The following PLPP6 variants were observed in gnomAD, a reference collection of about 807,000 sequenced individuals.
The protein encoded by PLPP6 is phospholipid phosphatase 6.
Under a neutral mutation model 16.5 loss-of-function variants are expected in PLPP6, and 16 were observed. The observed-to-expected ratio is 0.97, with a 90% CI of 0.66 to 1.47. PLPP6 has a LOEUF of 1.47. Among genes scored for constraint, PLPP6 ranks in the 40% most tolerant of loss-of-function variants. The probability of loss-of-function intolerance (pLI) is 0.00; values close to 1 mark genes in which losing one functional copy is unlikely to be tolerated. For synonymous variants in PLPP6, 226 were observed against 188.1 expected, an observed-to-expected ratio of 1.20 and a Z score of -1.65; for missense variants, 512 against 396.6, an observed-to-expected ratio of 1.29 and a Z score of -2.47.
rs1380769695 is a variant in PLPP6 at position 4,664,013 on chromosome 9, A to G, written c.*750A>G. 1.8e-5 allele frequency: 3 copies of G among 167,118 alleles called. No homozygotes were observed. Among genetic ancestry groups the G allele is most frequent in the Non-Finnish European group, 4.4e-5 (3 of 68,130 alleles). The allele number at this position is 167,118 out of a possible 1,614,324, so 10.4% of individuals were successfully genotyped here. On this transcript the variant is annotated 3_prime_UTR_variant, in exon 1 of 1. Transcript: ENST00000381883. ...ATTCAGAGAAAAAGCCAACTTGCTT[A>G]AAGAGGAATCACTTAAAAGGTAGGC...
At position 4,665,135 on chromosome 9, in the gene PLPP6, A is replaced by G. The variant is rs558257348; in HGVS notation, c.*1872A>G. 4.8e-5 allele frequency: 8 copies of G among 167,234 alleles called. No homozygotes were observed. Among genetic ancestry groups the G allele is most frequent in the African/African-American group, 1.9e-4 (8 of 41,576 alleles). 10.4% of individuals were successfully genotyped at this position (167,234 alleles called of 1,614,324 possible). Reference sequence around the variant, plus strand: ...GAGTTTTCTGGCTCTTAAAGCATAGATCATTTCACCTGATGTTTTTGAAGC... The same window carrying G: ...GAGTTTTCTGGCTCTTAAAGCATAGGTCATTTCACCTGATGTTTTTGAAGC... On this transcript the variant is annotated 3_prime_UTR_variant, in exon 1 of 1. Transcript: ENST00000381883.
rs1840029331 is a variant in PLPP6, at chr9:4,662,393, G to A, written c.18G>A (p.Arg6=). The change falls in exon 1 of 1, where the codon AGG becomes AGA. Residue 6 remains arginine, a synonymous_variant. Transcript: ENST00000381883. The surrounding 1 kb of genome is among the most constrained non-coding windows in gnomAD (Gnocchi z 4.9). ...CAGCTGCGATGCCAAGTCCCCGGAG[G>A]AGCATGGAGGGACGGCCGCTGGGCG... is the stretch of plus-strand genomic sequence containing the variant. MPSPR[R]SMEGRPLGVS... 3 of 1,532,290 alleles carry A rather than the reference G, an allele frequency of 2.0e-6. No individual in the cohort carries two copies. The highest frequency in any genetic ancestry group is 1.4e-5 in the African/African-American group (1 of 72,730). 94.9% of individuals were successfully genotyped at this position (1,532,290 alleles called of 1,614,324 possible).
In PLPP6 at chr9:4,662,412, C is replaced by T. The variant is rs989171683; in HGVS notation, c.37C>T (p.Leu13=). The change falls in exon 1 of 1, where the codon CTG becomes TTG. Residue 13 remains leucine (L), a synonymous_variant. Transcript: ENST00000381883. The surrounding 1 kb of genome is among the most constrained non-coding windows in gnomAD (Gnocchi z 4.9). ...SPRRSMEGRP[L]GVSASSSSSS... is the part of the protein sequence containing the mutation. ...CCGGAGGAGCATGGAGGGACGGCCG[C>T]TGGGCGTCTCCGCTTCGAGCAGCAG... 9.8e-6 allele frequency: 15 copies of T among 1,537,026 alleles called. No homozygotes were observed. Among genetic ancestry groups the T allele is most frequent in the African/African-American group, 9.6e-5 (7 of 72,908 alleles).
chr9:4,664,033 G>A lies in PLPP6; in HGVS notation c.*770G>A, dbSNP rs983016169. ...TGCTTAAAGAGGAATCACTTAAAAG[G>A]TAGGCATATCTAAGATGCTCATAGA... On this transcript the variant is annotated 3_prime_UTR_variant, in exon 1 of 1. Coordinates refer to ENST00000381883, the MANE Select transcript of PLPP6 (RefSeq NM_203453.5). The A allele has an allele frequency of 6.0e-6, 1 of 167,070 alleles. No homozygotes were observed. Among genetic ancestry groups the A allele is most frequent in the Non-Finnish European group, 1.5e-5 (1 of 68,122 alleles). 10.3% of individuals were successfully genotyped at this position (167,070 alleles called of 1,614,324 possible). A position where few individuals can be genotyped will look rare whatever the true frequency, so the allele number is the denominator to read the frequency against.
Position 4,662,927 on chromosome 9 carries a change from A to T in PLPP6, c.552A>T (p.Lys184Asn). ...LLDLLLVALI[K>N]GLVRRRRPAH... ...ACCTGCTGCTGGTGGCCTTGATCAA[A>T]GGGCTGGTCCGCAGGCGCCGCCCGG... The change falls in exon 1 of 1, where the codon AAA becomes AAT. Residue 184 changes from lysine to asparagine, a missense_variant. By Grantham distance (94) the Lys-to-Asn change is moderately conservative. Coordinates refer to ENST00000381883, the MANE Select transcript of PLPP6 (RefSeq NM_203453.5). This position sits in a 1 kb window ranked among gnomAD's most constrained non-coding sequence, Gnocchi z 4.9. 1 of 1,609,994 alleles carries T rather than the reference A, an allele frequency of 6.2e-7. No homozygotes were observed. The highest frequency in any genetic ancestry group is 8.5e-7 in the Non-Finnish European group (1 of 1,179,868).
At position 4,662,408 on chromosome 9, in the gene PLPP6, G is replaced by T. The variant is rs774159286; in HGVS notation, c.33G>T (p.Arg11=). The T allele has an allele frequency of 1.3e-6, 2 of 1,535,736 alleles. No individual in the cohort carries two copies. Among genetic ancestry groups the T allele is most frequent in the Admixed American group, 3.9e-5 (2 of 50,986 alleles). The change falls in exon 1 of 1, where the codon CGG becomes CGT. Residue 11 remains arginine (R), a synonymous_variant. Transcript: ENST00000381883. The surrounding 1 kb of genome is among the most constrained non-coding windows in gnomAD (Gnocchi z 4.9). ...GTCCCCGGAGGAGCATGGAGGGACG[G>T]CCGCTGGGCGTCTCCGCTTCGAGCA... MPSPRRSMEG[R]PLGVSASSSS... is the part of the protein sequence containing the mutation.
Position 4,662,550 on chromosome 9 carries a change from C to A in PLPP6, c.175C>A (p.Arg59Ser). ...TAVDPTCARL[R>S]ASESPVHRRG... is the part of the protein sequence containing the mutation. The stretch of plus-strand genomic sequence containing the variant: ...CGTGGACCCCACCTGCGCCCGGCTC[C>A]GTGCATCGGAGAGCCCAGTTCACCG... Residue 59 changes from arginine (R) to serine (S), a missense_variant, in exon 1 of 1, where the codon CGT (arginine) becomes AGT (serine). By Grantham distance (110) the Arg-to-Ser change is moderately radical (BLOSUM62 -1). Coordinates refer to ENST00000381883, the MANE Select transcript of PLPP6 (RefSeq NM_203453.5). This position sits in a 1 kb window ranked among gnomAD's most constrained non-coding sequence, Gnocchi z 4.9. The A allele has an allele frequency of 1.3e-6, 2 of 1,574,140 alleles. No homozygotes were observed. The highest frequency in any genetic ancestry group is 1.7e-6 in the Non-Finnish European group (2 of 1,169,396).
Position 4,663,240 on chromosome 9 carries a change from T to C in PLPP6, c.865T>C (p.Phe289Leu), listed in dbSNP as rs772266617. 3 of 1,613,836 alleles carry C rather than the reference T, an allele frequency of 1.9e-6. No homozygotes were observed. The highest frequency in any genetic ancestry group is 2.2e-5 in the East Asian group (1 of 44,856). The change falls in exon 1 of 1, where the codon TTT becomes CTT. Residue 289 changes from phenylalanine to leucine, a missense_variant. Phe to Leu is a conservative substitution (Grantham distance 22, BLOSUM62 0). Transcript: ENST00000381883. ...WLSPHNAPVL[F>L]LLWSQR ...CTCACCCCATAATGCTCCGGTCCTC[T>C]TTTTACTGTGGAGTCAACGATGACA...
At position 4,664,467 on chromosome 9, in the gene PLPP6, C is replaced by T. The variant is rs1840552968; in HGVS notation, c.*1204C>T. 1 of 167,042 alleles carries T rather than the reference C, an allele frequency of 6.0e-6. No homozygotes were observed. The allele number at this position is 167,042 out of a possible 1,614,324, so 10.3% of individuals were successfully genotyped here. ...GGCACAAGATAAAACTCCAAAATTT[C>T]TGTTTACATTGACCTTTACATTTAA... On this transcript the variant is annotated 3_prime_UTR_variant, in exon 1 of 1. Coordinates refer to ENST00000381883, the MANE Select transcript of PLPP6 (RefSeq NM_203453.5).
Position 4,662,799 on chromosome 9 carries a change from C to A in PLPP6, c.424C>A (p.His142Asn), listed in dbSNP as rs1212580435. The change falls in exon 1 of 1, where the codon CAC (histidine) becomes AAC (asparagine). Residue 142 changes from histidine to asparagine, a missense_variant. Coordinates refer to ENST00000381883, the MANE Select transcript of PLPP6 (RefSeq NM_203453.5). This position sits in a 1 kb window ranked among gnomAD's most constrained non-coding sequence, Gnocchi z 4.9. ...PLMKLLEISG[H>N]GIPWLLGTLY... ...TATGAAGCTGCTGGAGATCTCGGGA[C>A]ACGGCATCCCCTGGCTGCTGGGCAC... 5 of 1,605,234 alleles carry A rather than the reference C, an allele frequency of 3.1e-6. No homozygotes were observed. Among genetic ancestry groups the A allele is most frequent in the Non-Finnish European group, 4.2e-6 (5 of 1,179,940 alleles).
At position 4,663,057 on chromosome 9, in the gene PLPP6, C is replaced by T; in HGVS notation, c.682C>T (p.His228Tyr). Reference sequence around the variant, plus strand: ...CCTGATGTCGAGGTTCATCCTGAACCACCTGGTGCTGGCCATTCCACTGAG... The same window carrying T: ...CCTGATGTCGAGGTTCATCCTGAACTACCTGGTGCTGGCCATTCCACTGAG... ...AALMSRFILNHLVLAIPLRVL... is the reference protein window; with the variant it reads ...AALMSRFILNYLVLAIPLRVL... The change falls in exon 1 of 1, where the codon CAC becomes TAC. Residue 228 changes from histidine to tyrosine, a missense_variant. Transcript: ENST00000381883. 6 of 1,613,970 alleles carry T rather than the reference C, an allele frequency of 3.7e-6. No individual in the cohort carries two copies. Among genetic ancestry groups the T allele is most frequent in the Non-Finnish European group, 5.1e-6 (6 of 1,179,964 alleles).
Position 4,663,337 on chromosome 9 carries a change from C to T in PLPP6, c.*74C>T. Reference sequence around the variant, plus strand: ...CGATGATGTCAACCTAAACCAGCAGCCATCCCGCTTGTCCCTCTTAGGCAT... The same window carrying T: ...CGATGATGTCAACCTAAACCAGCAGTCATCCCGCTTGTCCCTCTTAGGCAT... On this transcript the variant is annotated 3_prime_UTR_variant, in exon 1 of 1. Coordinates refer to ENST00000381883, the MANE Select transcript of PLPP6 (RefSeq NM_203453.5). 6.8e-7 allele frequency: 1 copy of T among 1,472,418 alleles called. No homozygotes were observed. The highest frequency in any genetic ancestry group is 9.3e-7 in the Non-Finnish European group (1 of 1,073,934). 91.2% of individuals were successfully genotyped at this position (1,472,418 alleles called of 1,614,324 possible).
Position 4,662,767 on chromosome 9 carries a change from G to A in PLPP6, c.392G>A (p.Arg131Gln), listed in dbSNP as rs777012816. ...AGESSSWGSV[R>Q]PLMKLLEISG... is the part of the protein sequence containing the mutation. ...GAGAGCTCGTCGTGGGGCAGCGTGC[G>A]ACCCCTTATGAAGCTGCTGGAGATC... Residue 131 changes from arginine (R) to glutamine (Q), a missense_variant, in exon 1 of 1, where the codon CGA (arginine) becomes CAA (glutamine). Coordinates refer to ENST00000381883, the MANE Select transcript of PLPP6 (RefSeq NM_203453.5). The surrounding 1 kb of genome is among the most constrained non-coding windows in gnomAD (Gnocchi z 4.9). 6.2e-7 allele frequency: 1 copy of A among 1,604,868 alleles called. No individual in the cohort carries two copies. Among genetic ancestry groups the A allele is most frequent in the Non-Finnish European group, 8.5e-7 (1 of 1,179,932 alleles).
In PLPP6 at chr9:4,663,030, GC is replaced by G; in HGVS notation, c.658del (p.Leu220Ter). 2.5e-6 allele frequency: 4 copies of G among 1,613,752 alleles called. No individual in the cohort carries two copies. Among genetic ancestry groups the G allele is most frequent in the Non-Finnish European group, 3.4e-6 (4 of 1,179,940 alleles). On this transcript the variant is annotated frameshift_variant, in exon 1 of 1. Coordinates refer to ENST00000381883, the MANE Select transcript of PLPP6 (RefSeq NM_203453.5). LOFTEE classifies it high-confidence loss of function. The part of the protein sequence containing the change: ...SFPSGHATRA[A>X]LMSRFILNHL... ...CCCCTCGGGCCATGCCACAAGGGCC[GC>G]CCTGATGTCGAGGTTCATCCTGAAC...
Position 4,662,748 on chromosome 9 carries a change from T to A in PLPP6, c.373T>A (p.Ser125Thr). The change falls in exon 1 of 1, where the codon TCG becomes ACG. Residue 125 changes from serine to threonine, a missense_variant. Coordinates refer to ENST00000381883, the MANE Select transcript of PLPP6 (RefSeq NM_203453.5). The surrounding 1 kb of genome is among the most constrained non-coding windows in gnomAD (Gnocchi z 4.9). ...GCTGGGGGTGTGCGCGGGAGAGAGC[T>A]CGTCGTGGGGCAGCGTGCGACCCCT... ...KKLGVCAGESSSWGSVRPLMK... is the reference protein window; with the variant it reads ...KKLGVCAGESTSWGSVRPLMK... The A allele has an allele frequency of 6.2e-7, 1 of 1,603,600 alleles. No homozygotes were observed. Among genetic ancestry groups the A allele is most frequent in the East Asian group, 2.2e-5 (1 of 44,846 alleles).
At position 4,662,670 on chromosome 9, in the gene PLPP6, C is replaced by A; in HGVS notation, c.295C>A (p.Leu99Met). The A allele has an allele frequency of 6.2e-7, 1 of 1,600,382 alleles. No homozygotes were observed. The highest frequency in any genetic ancestry group is 8.5e-7 in the Non-Finnish European group (1 of 1,179,862). Residue 99 changes from leucine to methionine, a missense_variant, in exon 1 of 1, where the codon CTG (leucine) becomes ATG (methionine). By Grantham distance (15) the Leu-to-Met change is conservative. Coordinates refer to ENST00000381883, the MANE Select transcript of PLPP6 (RefSeq NM_203453.5). This position sits in a 1 kb window ranked among gnomAD's most constrained non-coding sequence, Gnocchi z 4.9. ...EDRMDLNPSF[L>M]GIALRSLLAI... ...CCGCATGGACTTGAACCCGTCCTTC[C>A]TGGGCATCGCCCTGCGCTCCCTGCT...
chr9:4,664,868 G>A lies in PLPP6; in HGVS notation c.*1605G>A, dbSNP rs1419199733. The A allele has an allele frequency of 2.4e-5, 4 of 167,054 alleles. No homozygotes were observed. Among genetic ancestry groups the A allele is most frequent in the Non-Finnish European group, 5.9e-5 (4 of 68,120 alleles). 10.3% of individuals were successfully genotyped at this position (167,054 alleles called of 1,614,324 possible). ...ATCATTTGCATTCCCACAGCATCCT[G>A]AATACCGACTACCTCTTCACTTGCT... On this transcript the variant is annotated 3_prime_UTR_variant, in exon 1 of 1. Transcript: ENST00000381883.
Position 4,663,272 on chromosome 9 carries a change from C to T in PLPP6, c.*9C>T. On this transcript the variant is annotated 3_prime_UTR_variant, in exon 1 of 1. Transcript: ENST00000381883. The stretch of plus-strand genomic sequence containing the variant: ...TGTGGAGTCAACGATGACACCATCT[C>T]ATTGATTATGGCACCAGGAAGTCTG... The T allele has an allele frequency of 6.2e-7, 1 of 1,607,974 alleles. No homozygotes were observed. Among genetic ancestry groups the T allele is most frequent in the African/African-American group, 1.3e-5 (1 of 74,876 alleles).
At position 4,664,736 on chromosome 9, in the gene PLPP6, G is replaced by A. The variant is rs1001437537; in HGVS notation, c.*1473G>A. ...ACTTTGATCTGCCATACGGAGGTTC[G>A]GAACCTGGAGAACGGCTGTGATAAG... On this transcript the variant is annotated 3_prime_UTR_variant, in exon 1 of 1. Coordinates refer to ENST00000381883, the MANE Select transcript of PLPP6 (RefSeq NM_203453.5). 1.2e-5 allele frequency: 2 copies of A among 167,012 alleles called. No individual in the cohort carries two copies. Among genetic ancestry groups the A allele is most frequent in the African/African-American group, 4.8e-5 (2 of 41,400 alleles). The allele number at this position is 167,012 out of a possible 1,614,324, so 10.3% of individuals were successfully genotyped here.
Sources: gnomAD v4.1 joint callset for allele counts on GRCh38, gnomAD v4.1.1 for gene constraint, Gnocchi (gnomAD v3.1) non-coding constraint, MANE v1.5 for transcripts, NCBI Gene and HGNC (gene_info 2026-07-23, HGNC 2026-07-21) for gene names.